Variants in SLC24A2 observed in about 807,000 individuals in gnomAD.
The protein encoded by SLC24A2 is solute carrier family 24 member 2, also known as sodium/potassium/calcium exchanger 2.
SLC24A2 carries 36 observed loss-of-function variants against 62.0 expected under a neutral mutation model. That is an observed-to-expected ratio of 0.58 (90% CI 0.44 to 0.77). SLC24A2 has a LOEUF of 0.77. Among genes scored for constraint, SLC24A2 ranks in the 30% least tolerant of loss-of-function variants. The pLI is 0.00. For missense variants in SLC24A2, 846 were observed against 817.9 expected, an observed-to-expected ratio of 1.03 and a Z score of -0.42; for synonymous variants, 358 against 294.0, an observed-to-expected ratio of 1.22 and a Z score of -2.23.
rs536550679 is a variant in SLC24A2 at position 19,542,433 on chromosome 9, C to T, written c.1479+7704G>A. Among the ~76,000 whole-genome samples the T allele has an allele frequency of 9.1e-4, 138 of 152,322 alleles. 1 individual carries two copies. The highest frequency in any genetic ancestry group is 1.4e-3 in the Non-Finnish European group (96 of 68,026). ...TTTCCTAATTGAACACCCTTTGTTT[C>T]TTTCTCTTGCCTGATTGCCCTGGCC... On this transcript the variant is annotated intron_variant, in intron 8 of 10. Transcript: ENST00000341998.
the SLC24A2 span, among the ~76,000 whole-genome samples, chr9:19,855,456 C>T: frequency 6.6e-6 from 1 of 152,134 alleles, no homozygotes; most frequent in Non-Finnish European, 1.5e-5. Flanking sequence ...TTAGTGCTTC[C>T]TTCAGGAGCT....
chr9:20,114,100 T>G, the SLC24A2 span, among the ~76,000 whole-genome samples: 7 of 152,160 alleles, frequency 4.6e-5, no homozygotes, highest in East Asian at 1.4e-3. Context: ...AGGCTGAGGT[T>G]GATTGAGTCT....
chr9:19,509,859 A>C lies in SLC24A2; in HGVS notation c.*6294T>G, dbSNP rs1474595302. 2.0e-5 allele frequency: 3 copies of C among 152,156 alleles called. No individual in the cohort carries two copies. In the East Asian group the frequency reaches 5.8e-4, roughly 29 times the overall value. 9.4% of individuals were successfully genotyped at this position (152,156 alleles called of 1,614,324 possible). On this transcript the variant is annotated 3_prime_UTR_variant, in exon 11 of 11. Coordinates refer to ENST00000341998, the MANE Select transcript of SLC24A2 (RefSeq NM_020344.4). ...GCAACCCAATATGTAAGAATGCAGA[A>C]ACAAATTCCCATCCTTTTGGTGAAC...
intron 5 of SLC24A2, among the ~76,000 whole-genome samples, chr9:19,586,938 C>T (rs1836393859): frequency 6.6e-6 from 1 of 152,098 alleles, no homozygotes; most frequent in Non-Finnish European, 1.5e-5. Flanking sequence ...TTCTTTTGTT[C>T]CCATCCCTGG....
chr9:20,119,049 T>A, the SLC24A2 span, among the ~76,000 whole-genome samples: 5 of 152,138 alleles, frequency 3.3e-5, no homozygotes, highest in African/African-American at 1.2e-4. Context: ...AGAGTGGTTT[T>A]AAAGAAATGA....
intron 5 of SLC24A2, among the ~76,000 whole-genome samples, chr9:19,592,678 A>G (rs1195630760): frequency 6.6e-6 from 1 of 152,210 alleles, no homozygotes; most frequent in Non-Finnish European, 1.5e-5. Context: ...AAACTTGCCT[A>G]CTTTTGAACT....
chr9:19,801,463 G>GAGCCATAAC, the SLC24A2 span, among the ~76,000 whole-genome samples: 3 of 152,170 alleles, frequency 2.0e-5, no homozygotes, highest in Admixed American at 6.5e-5. Flanking sequence ...AGCTCAGCTC[G>GAGCCATAAC]AGCCATAACA....
chr9:20,236,767 T>A, the SLC24A2 span, among the ~76,000 whole-genome samples: 2 of 152,168 alleles, frequency 1.3e-5, no homozygotes, highest in Admixed American at 1.3e-4. Flanking sequence ...AGAATTCTTT[T>A]CACCTGCGGC....
intron 2 of SLC24A2, among the ~76,000 whole-genome samples, chr9:19,686,008 C>G (rs976551100): frequency 1.3e-5 from 2 of 152,050 alleles, no homozygotes; most frequent in Admixed American, 6.6e-5. Flanking sequence ...AAAATATTCA[C>G]AAACTAAGCA....
chr9:19,805,176 A>G, the SLC24A2 span, among the ~76,000 whole-genome samples: 169 of 152,244 alleles, frequency 1.1e-3, no homozygotes, highest in Non-Finnish European at 2.0e-3. Context: ...ACCCACCTAC[A>G]TTTCATGGAA....
At chr9:19,630,057 T>C (rs1818138021) in intron 2 of SLC24A2, among the ~76,000 whole-genome samples, 1 of 152,222 alleles carries the variant, frequency 6.6e-6, no homozygotes, top group Admixed American at 6.5e-5. Flanking sequence ...ATCATTAAAT[T>C]AACTAGATAG....
chr9:19,828,878 T>A, the SLC24A2 span, among the ~76,000 whole-genome samples: 5 of 152,118 alleles, frequency 3.3e-5, no homozygotes, highest in African/African-American at 4.8e-5. Context: ...CAGAGAAGCC[T>A]TGGCTCCATC....
chr9:20,210,956 T>C, the SLC24A2 span, among the ~76,000 whole-genome samples: 1 of 152,118 alleles, frequency 6.6e-6, no homozygotes, highest in Non-Finnish European at 1.5e-5. Context: ...ACAGTCAATA[T>C]AAACCTTTTG....
At chr9:19,553,619 C>CA (rs1834946875) in intron 7 of SLC24A2, among the ~76,000 whole-genome samples, 3 of 152,132 alleles carry the variant, frequency 2.0e-5, no homozygotes, top group Admixed American at 2.0e-4. Context: ...GTCAGTGCAG[C>CA]ATGCTGGGCA....
At chr9:20,076,380 T>C in the SLC24A2 span, among the ~76,000 whole-genome samples, 1 of 152,126 alleles carries the variant, frequency 6.6e-6, no homozygotes, top group Non-Finnish European at 1.5e-5. Context: ...GGTGTGATGC[T>C]TTTCCTACTG....
the SLC24A2 span, among the ~76,000 whole-genome samples, chr9:19,889,099 G>A: frequency 2.0e-5 from 3 of 152,170 alleles, no homozygotes; most frequent in African/African-American, 4.8e-5. Context: ...GCCTGGCACC[G>A]TGCATCAACC....
chr9:19,558,021 T>G (rs892210179), intron 7 of SLC24A2, among the ~76,000 whole-genome samples: 3 of 152,188 alleles, frequency 2.0e-5, no homozygotes, highest in Non-Finnish European at 4.4e-5. Flanking sequence ...TTTCACTTAG[T>G]TGCCCAGGCT....
At chr9:20,271,037 C>A in the SLC24A2 span, among the ~76,000 whole-genome samples, 1 of 152,088 alleles carries the variant, frequency 6.6e-6, no homozygotes, top group Non-Finnish European at 1.5e-5. Flanking sequence ...GCTTAATCCT[C>A]CCTGAAATAC....
At chr9:19,543,948 G>A (rs900493432) in intron 8 of SLC24A2, among the ~76,000 whole-genome samples, 5 of 152,100 alleles carry the variant, frequency 3.3e-5, no homozygotes, top group African/African-American at 4.8e-5. Context: ...TATTAGGTCT[G>A]CTTGTTCCAG....
Sources: allele counts gnomAD v4.1 joint callset (sites outside exome capture counted in the v4.1 genomes callset), GRCh38; gene constraint gnomAD v4.1.1; transcripts MANE v1.5; gene names NCBI Gene and HGNC (gene_info 2026-07-23, HGNC 2026-07-21).